STXBP6: variants seen among roughly 807,000 people sequenced by gnomAD.
STXBP6 encodes syntaxin binding protein 6.
Under a neutral mutation model 26.9 loss-of-function variants are expected in STXBP6, and 21 were observed. The observed-to-expected ratio is 0.78, with a 90% CI of 0.55 to 1.12. The LOEUF is 1.12. Among genes scored for constraint, STXBP6 ranks in the 50% most tolerant of loss-of-function variants. The pLI is 0.00. For synonymous variants in STXBP6, 97 were observed against 92.6 expected, an observed-to-expected ratio of 1.05 and a Z score of -0.27; for missense variants, 232 against 257.9, an observed-to-expected ratio of 0.90 and a Z score of 0.69.
At chr14:24,929,782 A>G (rs978033983) in intron 2 of STXBP6, among the ~76,000 whole-genome samples, 4 of 152,198 alleles carry the variant, frequency 2.6e-5, no homozygotes, top group African/African-American at 9.6e-5. Context: ...CGCTCAATGA[A>G]CTGGAATCAC....
intron 1 of STXBP6, among the ~76,000 whole-genome samples, chr14:24,986,051 G>T (rs1034626538): frequency 2.0e-5 from 3 of 152,208 alleles, no homozygotes; most frequent in African/African-American, 7.2e-5. Flanking sequence ...TGTGGAAGGT[G>T]AGAACAGGTG....
chr14:24,869,887 G>T (rs1246569188), intron 2 of STXBP6, among the ~76,000 whole-genome samples: 2 of 152,126 alleles, frequency 1.3e-5, no homozygotes, highest in Admixed American at 1.3e-4. Context: ...CCTAAACTTT[G>T]TTCCATGGGG....
chr14:24,890,629 G>A (rs2070754932), intron 2 of STXBP6, among the ~76,000 whole-genome samples: 1 of 152,190 alleles, frequency 6.6e-6, no homozygotes, highest in African/African-American at 2.4e-5. Context: ...CTTTCAGAGA[G>A]GAAGGGAAAA....
chr14:24,887,719 C>T (rs1339278437), intron 2 of STXBP6, among the ~76,000 whole-genome samples: 1 of 152,190 alleles, frequency 6.6e-6, no homozygotes, highest in African/African-American at 2.4e-5. Flanking sequence ...ATTACCATCA[C>T]ATAAAACACA....
chr14:24,899,126 T>G (rs117290435), intron 2 of STXBP6, among the ~76,000 whole-genome samples: 9 of 152,296 alleles, frequency 5.9e-5, no homozygotes, highest in Non-Finnish European at 1.0e-4. Context: ...AGATTTCAAG[T>G]ATTTTAGGCA....
At chr14:24,823,003 CTAAA>C (rs1443427749) in intron 4 of STXBP6, among the ~76,000 whole-genome samples, 1 of 152,118 alleles carries the variant, frequency 6.6e-6, no homozygotes, top group African/African-American at 2.4e-5. Flanking sequence ...GTAATTCTTT[CTAAA>C]TAGATAGGAA....
rs139065822 is a variant in STXBP6, at chr14:25,015,973, T to C, written c.-33+33905A>G. On this transcript the variant is annotated intron_variant, in intron 1 of 5. Coordinates refer to ENST00000323944, the MANE Select transcript of STXBP6 (RefSeq NM_001394410.1). ...CAAGGTTAAAATTGCTGATCTGCCA[T>C]TGACTAGCTGTGTGACCTTGGAGAC... is the stretch of plus-strand genomic sequence containing the variant. 3.0e-3 allele frequency among the ~76,000 whole-genome samples: 451 copies of C among 152,302 alleles called. 5 individuals carry two copies. The highest frequency in any genetic ancestry group is 0.01 in the African/African-American group (435 of 41,562).
At chr14:24,988,253 G>A (rs1352339127) in intron 1 of STXBP6, among the ~76,000 whole-genome samples, 4 of 152,184 alleles carry the variant, frequency 2.6e-5, no homozygotes, top group Non-Finnish European at 5.9e-5. Context: ...CCATCTAGGG[G>A]CAGGACCTAT....
chr14:25,000,835 C>T (rs1267384575), intron 1 of STXBP6, among the ~76,000 whole-genome samples: 1 of 150,238 alleles, frequency 6.7e-6, no homozygotes, highest in African/African-American at 2.5e-5. Context: ...GCTGAGTTTC[C>T]CTACTCAACC....
intron 4 of STXBP6, among the ~76,000 whole-genome samples, chr14:24,822,986 C>T (rs149516368): frequency 6.6e-6 from 1 of 152,112 alleles, no homozygotes; most frequent in Non-Finnish European, 1.5e-5. Context: ...CTGAGGCCAA[C>T]AGCATAGTAA....
chr14:24,864,476 T>C (rs2069649520), intron 2 of STXBP6, among the ~76,000 whole-genome samples: 1 of 152,030 alleles, frequency 6.6e-6, no homozygotes, highest in African/African-American at 2.4e-5. Flanking sequence ...AGGAAGCAGG[T>C]GAGGGAAGGG....
In STXBP6 at chr14:24,855,992, C is replaced by T; in HGVS notation, c.395G>A (p.Arg132Lys). 1 of 1,611,388 alleles carries T rather than the reference C, an allele frequency of 6.2e-7. No homozygotes were observed. Among genetic ancestry groups the T allele is most frequent in the Non-Finnish European group, 8.5e-7 (1 of 1,178,570 alleles). The change falls in exon 4 of 6, where the codon AGG becomes AAG. Residue 132 changes from arginine (R) to lysine (K), a missense_variant. Physicochemically the swap from Arg to Lys is conservative, Grantham distance 26. Coordinates refer to ENST00000323944, the MANE Select transcript of STXBP6 (RefSeq NM_001394410.1). ...FFQILHHTCQ[R>K]YLTDRKPEFI... is the part of the protein sequence containing the mutation. ...CTCTGGCTTCCTGTCCGTGAGGTAC[C>T]TCTGGCAGGTATGGTGGAGGATCTG...
intron 4 of STXBP6, among the ~76,000 whole-genome samples, chr14:24,844,077 C>T (rs886216501): frequency 6.6e-6 from 1 of 152,132 alleles, no homozygotes; most frequent in Non-Finnish European, 1.5e-5. Context: ...GGCTTAATGA[C>T]TTAATCAATC....
intron 2 of STXBP6, among the ~76,000 whole-genome samples, chr14:24,941,521 G>A (rs2072802919): frequency 6.6e-6 from 1 of 152,208 alleles, no homozygotes; most frequent in Non-Finnish European, 1.5e-5. Context: ...TGTAGCGGTA[G>A]GGAAAAGGGT....
In STXBP6 at chr14:24,880,591, C is replaced by T. The variant is rs74892989; in HGVS notation, c.155-23434G>A. ...ATGCATTGCTCCCTACCATCTGGTGCTGAGTATTTGGGCTCTGTATTGAAA... is the reference window on the plus strand; with the variant it reads ...ATGCATTGCTCCCTACCATCTGGTGTTGAGTATTTGGGCTCTGTATTGAAA... On this transcript the variant is annotated intron_variant, in intron 2 of 5. Transcript: ENST00000323944. 7.0e-3 allele frequency among the ~76,000 whole-genome samples: 1,070 copies of T among 152,226 alleles called. 1 individual carries two copies. Among genetic ancestry groups the T allele is most frequent in the Middle Eastern group, 0.014 (4 of 294 alleles).
At chr14:24,827,792 G>A (rs75058494) in intron 4 of STXBP6, among the ~76,000 whole-genome samples, 4,089 of 152,152 alleles carry the variant, frequency 0.027, 184 homozygotes, top group East Asian at 0.19. Context: ...CAACCAAGAA[G>A]GCCTTTCTTA....
At chr14:24,923,598 T>C (rs2072060180) in intron 2 of STXBP6, among the ~76,000 whole-genome samples, 2 of 152,170 alleles carry the variant, frequency 1.3e-5, no homozygotes. Flanking sequence ...ATCTTCACCA[T>C]TGCTTACACT....
At chr14:25,015,107 T>C (rs979755917) in intron 1 of STXBP6, among the ~76,000 whole-genome samples, 2 of 152,214 alleles carry the variant, frequency 1.3e-5, no homozygotes, top group East Asian at 1.9e-4. Flanking sequence ...AAAACTATCA[T>C]TGAGGGATTT....
rs780278432 is a variant in STXBP6, at chr14:24,811,058, T to A, written c.*1651A>T. On this transcript the variant is annotated 3_prime_UTR_variant, in exon 6 of 6. Coordinates refer to ENST00000323944, the MANE Select transcript of STXBP6 (RefSeq NM_001394410.1). ...AAAAAGAAAGTATAAAATATTATAG[T>A]TAACTTATACAGTTTATTAAATTTT... 1.2e-4 allele frequency: 19 copies of A among 152,212 alleles called. No individual in the cohort carries two copies. The highest frequency in any genetic ancestry group is 2.6e-4 in the Non-Finnish European group (18 of 68,038). The allele number at this position is 152,212 out of a possible 1,614,324, so 9.4% of individuals were successfully genotyped here. A position where few individuals can be genotyped will look rare whatever the true frequency, so the allele number is the denominator to read the frequency against.
Sources: allele counts gnomAD v4.1 joint callset (sites outside exome capture counted in the v4.1 genomes callset), GRCh38; gene constraint gnomAD v4.1.1; transcripts MANE v1.5; gene names NCBI Gene and HGNC (gene_info 2026-07-23, HGNC 2026-07-21).